Variants in PHF20 observed in about 807,000 individuals in gnomAD.
PHF20 encodes glioma-expressed antigen 2.
PHF20 carries 23 observed loss-of-function variants against 113.5 expected under a neutral mutation model. The ratio of observed to expected loss-of-function variants is 0.20; its 90% CI spans 0.15 to 0.29. The LOEUF is 0.29. Ranked by LOEUF, PHF20 falls within the 10% of genes least tolerant of loss-of-function variation. PHF20 has a pLI of 1.00. For missense variants in PHF20, 943 were observed against 1,219.6 expected, an observed-to-expected ratio of 0.77 and a Z score of 3.38; for synonymous variants, 434 against 457.3, an observed-to-expected ratio of 0.95 and a Z score of 0.65.
chr20:35,856,747 C>T (rs1424782840), intron 4 of PHF20, among the ~76,000 whole-genome samples: 2 of 152,174 alleles, frequency 1.3e-5, no homozygotes, highest in African/African-American at 4.8e-5. Context: ...GAGCCAGGCA[C>T]TTAAAGATCA....
chr20:35,839,390 C>CAA (rs752680212), intron 2 of PHF20, among the ~76,000 whole-genome samples: 29 of 67,616 alleles, frequency 4.3e-4, no homozygotes, highest in South Asian at 9.5e-4. Flanking sequence ...GATTCCATCT[C>CAA]AAAAAAAAAA....
chr20:35,939,602 A>C (rs964290891), intron 16 of PHF20, among the ~76,000 whole-genome samples: 1 of 152,210 alleles, frequency 6.6e-6, no homozygotes, highest in Non-Finnish European at 1.5e-5. Context: ...TGCTGGTTTC[A>C]TCAGTTTTCC....
At chr20:35,792,719 T>G (rs138058989) in intron 1 of PHF20, among the ~76,000 whole-genome samples, 274 of 152,272 alleles carry the variant, frequency 1.8e-3, no homozygotes, top group African/African-American at 6.3e-3. Flanking sequence ...TTTGTTAATT[T>G]TTAATAATAT....
chr20:35,798,314 G>T (rs570214854), intron 1 of PHF20, among the ~76,000 whole-genome samples: 6 of 152,120 alleles, frequency 3.9e-5, no homozygotes, highest in Non-Finnish European at 7.4e-5. Context: ...TTGGGAGGCT[G>T]AGTAAGGAGG....
chr20:35,858,258 C>G lies in PHF20; in HGVS notation c.341-44C>G. 3 of 1,039,082 alleles carry G rather than the reference C, an allele frequency of 2.9e-6. No individual in the cohort carries two copies. In the East Asian group the frequency reaches 7.2e-5, roughly 25 times the overall value. The allele number at this position is 1,039,082 out of a possible 1,614,324, so 64.4% of individuals were successfully genotyped here. On this transcript the variant is annotated intron_variant, in intron 4 of 17. Coordinates refer to ENST00000374012, the MANE Select transcript of PHF20 (RefSeq NM_016436.5). ...TATACTTTGAAAAGTTACCACTTTT[C>G]ATGAAATTGTGAGTTAAAATCATGA... is the stretch of plus-strand genomic sequence containing the variant.
intron 1 of PHF20, among the ~76,000 whole-genome samples, 171 bp from the exon 2 acceptor site, chr20:35,801,320 T>C (rs2041777219): frequency 1.3e-5 from 2 of 152,084 alleles, no homozygotes; most frequent in Admixed American, 1.3e-4. Context: ...AGCTGCACGA[T>C]GGAGGAATAG....
At chr20:35,841,376 A>G (rs1032628198) in intron 2 of PHF20, among the ~76,000 whole-genome samples, 10 of 151,972 alleles carry the variant, frequency 6.6e-5, no homozygotes, top group African/African-American at 2.4e-4. Flanking sequence ...ATAAAACGAA[A>G]CAATAGCTTA....
chr20:35,917,180 G>GATTC (rs2055418987), intron 12 of PHF20: 1 of 442,938 alleles, frequency 2.3e-6, no homozygotes, highest in Non-Finnish European at 4.4e-6. Context: ...TGGCCTGTGT[G>GATTC]GTTCATGGGG....
chr20:35,866,639 T>C (rs1188417915), intron 6 of PHF20, among the ~76,000 whole-genome samples: 1 of 152,194 alleles, frequency 6.6e-6, no homozygotes, highest in South Asian at 2.1e-4. Context: ...AAATCTGACA[T>C]GTCCTTAGCT....
intron 5 of PHF20, among the ~76,000 whole-genome samples, chr20:35,858,808 G>C (rs2146965033): frequency 6.6e-6 from 1 of 152,186 alleles, no homozygotes; most frequent in Non-Finnish European, 1.5e-5. Flanking sequence ...CCTGACCTCA[G>C]GTGATCCACC....
At chr20:35,872,710 C>T (rs1205689286) in intron 9 of PHF20, among the ~76,000 whole-genome samples, 2 of 151,926 alleles carry the variant, frequency 1.3e-5, no homozygotes, top group African/African-American at 4.8e-5. Flanking sequence ...TTGTAGATAC[C>T]TTATTGCTAT....
intron 17 of PHF20, among the ~76,000 whole-genome samples, chr20:35,942,381 A>G (rs1482057718): frequency 6.6e-6 from 1 of 152,174 alleles, no homozygotes; most frequent in Non-Finnish European, 1.5e-5. Context: ...TCTTGAGAGA[A>G]TGGCAGTAGG....
intron 2 of PHF20, among the ~76,000 whole-genome samples, chr20:35,836,700 CG>C (rs1600805426): frequency 6.6e-6 from 1 of 151,828 alleles, no homozygotes; most frequent in African/African-American, 2.4e-5. Context: ...AAAAATTAGC[CG>C]GGCAAGGTGG....
At chr20:35,835,657 C>G (rs1051283537) in intron 2 of PHF20, among the ~76,000 whole-genome samples, 1 of 152,162 alleles carries the variant, frequency 6.6e-6, no homozygotes, top group African/African-American at 2.4e-5. Context: ...AGTCCGGGCA[C>G]AGTGGCTCAC....
At chr20:35,814,886 A>ATT (rs201392541) in intron 2 of PHF20, among the ~76,000 whole-genome samples, 1 of 146,054 alleles carries the variant, frequency 6.8e-6, no homozygotes, top group African/African-American at 2.6e-5. Context: ...AAAAAAAAAA[A>ATT]AAAATAAAAT....
At chr20:35,797,971 T>C (rs2146858502) in intron 1 of PHF20, among the ~76,000 whole-genome samples, 1 of 152,248 alleles carries the variant, frequency 6.6e-6, no homozygotes, top group South Asian at 2.1e-4. Context: ...GTTTAATAGA[T>C]AGCTTATTGT....
Position 35,870,942 on chromosome 20 carries a change from A to G in PHF20, c.923-13A>G, listed in dbSNP as rs770673745. 6.4e-6 allele frequency: 10 copies of G among 1,574,616 alleles called. No homozygotes were observed. Among genetic ancestry groups the G allele is most frequent in the Non-Finnish European group, 8.6e-6 (10 of 1,166,396 alleles). ...TTGGTCTCTTGACTACAACTCTCTT[A>G]ATGGTTTAATAGCCCAGGAAAAGTC... is the stretch of plus-strand genomic sequence containing the variant. On this transcript the variant is annotated splice_polypyrimidine_tract_variant and intron_variant, in intron 7 of 17. Coordinates refer to ENST00000374012, the MANE Select transcript of PHF20 (RefSeq NM_016436.5).
intron 17 of PHF20, among the ~76,000 whole-genome samples, chr20:35,943,868 C>T: frequency 6.6e-6 from 1 of 152,186 alleles, no homozygotes; most frequent in East Asian, 1.9e-4. Flanking sequence ...ATCTGCCTGC[C>T]TCGGGCTCCC....
At chr20:35,781,141 T>G (rs2041287634) in intron 1 of PHF20, among the ~76,000 whole-genome samples, 1 of 151,242 alleles carries the variant, frequency 6.6e-6, no homozygotes, top group Non-Finnish European at 1.5e-5. Context: ...TGAGCAAGAT[T>G]TTATTCTTTT....
Sources: allele counts gnomAD v4.1 joint callset (sites outside exome capture counted in the v4.1 genomes callset), GRCh38; gene constraint gnomAD v4.1.1; transcripts MANE v1.5; gene names NCBI Gene and HGNC (gene_info 2026-07-23, HGNC 2026-07-21).